The following PBLD variants were observed in gnomAD, a reference collection of about 807,000 sequenced individuals.
PBLD encodes the protein phenazine biosynthesis-like domain-containing protein.
PBLD carries 26 observed loss-of-function variants against 31.3 expected under a neutral mutation model. The observed-to-expected ratio is 0.83, with a 90% CI of 0.61 to 1.15. The LOEUF is 1.15. PBLD is among the 50% of genes most tolerant of loss of function. The pLI is 0.00. For synonymous variants in PBLD, 114 were observed against 129.0 expected, an observed-to-expected ratio of 0.88 and a Z score of 0.79; for missense variants, 307 against 351.7, an observed-to-expected ratio of 0.87 and a Z score of 1.02.
At chr10:68,302,382 T>G (rs2044516141) in intron 2 of PBLD, among the ~76,000 whole-genome samples, 1 of 152,170 alleles carries the variant, frequency 6.6e-6, no homozygotes, top group South Asian at 2.1e-4. Context: ...TTTAAAATAC[T>G]CCCATCTTGT....
intron 2 of PBLD, among the ~76,000 whole-genome samples, chr10:68,305,637 C>A (rs926934393): frequency 6.6e-6 from 1 of 152,074 alleles, no homozygotes; most frequent in African/African-American, 2.4e-5. Context: ...CACCTGTAAT[C>A]TCAGCTACTT....
At chr10:68,288,150 T>C in intron 8 of PBLD, 1 of 275,206 alleles carries the variant, frequency 3.6e-6, no homozygotes, top group Non-Finnish European at 6.8e-6. Context: ...GCATTGTGCT[T>C]TTATAGCCCT....
At chr10:68,323,788 G>A (rs1202013027) in intron 1 of PBLD, among the ~76,000 whole-genome samples, 1 of 152,136 alleles carries the variant, frequency 6.6e-6, no homozygotes, top group Non-Finnish European at 1.5e-5. Context: ...CCATTTGTTT[G>A]ATAGTTATAT....
chr10:68,311,395 A>G (rs916466372), intron 1 of PBLD, among the ~76,000 whole-genome samples: 1 of 151,994 alleles, frequency 6.6e-6, no homozygotes, highest in African/African-American at 2.4e-5. Context: ...GACCATCCTG[A>G]CTAACACAGT....
At chr10:68,286,085 CTTT>C (rs71009034) in intron 8 of PBLD, among the ~76,000 whole-genome samples, 3 of 103,422 alleles carry the variant, frequency 2.9e-5, no homozygotes, top group African/African-American at 3.6e-5. Context: ...TTGAATAATT[CTTT>C]TTTTTTTTTT....
chr10:68,291,056 G>T (rs957696975), intron 6 of PBLD, among the ~76,000 whole-genome samples: 9 of 152,182 alleles, frequency 5.9e-5, no homozygotes, highest in Non-Finnish European at 1.2e-4. Flanking sequence ...AAATGCTGTA[G>T]TTAAAAATTC....
intron 2 of PBLD, chr10:68,297,191 T>TCATTGAGGTTTC: frequency 1.7e-6 from 1 of 574,008 alleles, no homozygotes; most frequent in East Asian, 3.0e-5. Context: ...AGAAGGGTTA[T>TCATTGAGGTTTC]AAATGTGCAA....
chr10:68,284,076 G>A lies in PBLD; in HGVS notation c.*101C>T. 1 of 1,122,076 alleles carries A rather than the reference G, an allele frequency of 8.9e-7. No individual in the cohort carries two copies. Among genetic ancestry groups the A allele is most frequent in the Middle Eastern group, 2.1e-4 (1 of 4,772 alleles). The allele number at this position is 1,122,076 out of a possible 1,614,324, so 69.5% of individuals were successfully genotyped here. On this transcript the variant is annotated 3_prime_UTR_variant, in exon 10 of 10. Transcript: ENST00000358769. ...TTTCGATTTTTAACATGAGGATTAA[G>A]TAGACTACTACGCACATTTGCTAAA...
chr10:68,296,461 G>C (rs1483492396), intron 3 of PBLD, 97 bp from the exon 4 acceptor site: 10 of 837,022 alleles, frequency 1.2e-5, no homozygotes, highest in East Asian at 5.3e-5. Flanking sequence ...TCTCTAGCAT[G>C]ATGAGTAGCC....
rs2134424646 is a variant in PBLD at position 68,288,523 on chromosome 10, A to G, written c.651T>C (p.Tyr217=). 6.2e-7 allele frequency: 1 copy of G among 1,614,128 alleles called. No homozygotes were observed. The highest frequency in any genetic ancestry group is 2.2e-5 in the East Asian group (1 of 44,890). ...CAGCCACACCAACCCACGGTGCAAA[A>G]TATCTTGAGTAAAAGTCAAATGCTT... ...QTQAFDFYSR[Y]FAPWVGVAED... Residue 217 remains tyrosine, a synonymous_variant, in exon 8 of 10, where the codon TAT becomes TAC. Transcript: ENST00000358769.
At chr10:68,331,510 G>C (rs1365628796) in intron 1 of PBLD, 5 of 152,324 alleles carry the variant, frequency 3.3e-5, no homozygotes. Context: ...GAAGGAGGCG[G>C]ACACCCAGCC....
At chr10:68,286,133 G>C (rs1485503313) in intron 8 of PBLD, among the ~76,000 whole-genome samples, 1 of 125,942 alleles carries the variant, frequency 7.9e-6, no homozygotes, top group Non-Finnish European at 1.6e-5. Context: ...TGTCGCCCAG[G>C]CTGGAGTGCA....
intron 1 of PBLD, among the ~76,000 whole-genome samples, chr10:68,325,176 G>A (rs562580799): frequency 8.6e-5 from 13 of 151,518 alleles, no homozygotes; most frequent in African/African-American, 2.7e-4. Context: ...CCCGGGAGGC[G>A]GAAGTTGCAG....
chr10:68,326,556 C>T (rs10762224), intron 1 of PBLD, among the ~76,000 whole-genome samples: 38,255 of 152,072 alleles, frequency 0.25, 5,312 homozygotes, highest in East Asian at 0.35. Context: ...CCCAATGTAG[C>T]TCTTAGGATA....
chr10:68,319,492 G>A (rs2044799816), intron 1 of PBLD, among the ~76,000 whole-genome samples: 1 of 152,148 alleles, frequency 6.6e-6, no homozygotes, highest in Admixed American at 6.5e-5. Context: ...AGATCAGCCT[G>A]GCCAACATGG....
At chr10:68,306,107 A>G (rs953747411) in intron 2 of PBLD, among the ~76,000 whole-genome samples, 1 of 151,592 alleles carries the variant, frequency 6.6e-6, no homozygotes, top group Non-Finnish European at 1.5e-5. Context: ...AATATTAACT[A>G]TTAACAATAT....
rs1384842975 is a variant in PBLD at position 68,306,864 on chromosome 10, T to A, written c.-20A>T. 4 of 1,594,900 alleles carry A rather than the reference T, an allele frequency of 2.5e-6. No individual in the cohort carries two copies. Among genetic ancestry groups the A allele is most frequent in the Non-Finnish European group, 3.4e-6 (4 of 1,165,772 alleles). On this transcript the variant is annotated 5_prime_UTR_variant, in exon 2 of 10. Transcript: ENST00000358769. Reference sequence around the variant, plus strand: ...CTTCATTTTCCTTGCAAGCTGTTTTTGCAAGTTCTCAAAATTGCTGGTAGC... The same window carrying A: ...CTTCATTTTCCTTGCAAGCTGTTTTAGCAAGTTCTCAAAATTGCTGGTAGC...
At chr10:68,313,511 G>A (rs772485033) in intron 1 of PBLD, among the ~76,000 whole-genome samples, 3 of 152,200 alleles carry the variant, frequency 2.0e-5, no homozygotes, top group Admixed American at 2.0e-4. Flanking sequence ...TCCAAACACC[G>A]CCTTTGTTAA....
At chr10:68,329,522 G>A (rs1046731314) in intron 1 of PBLD, among the ~76,000 whole-genome samples, 13 of 152,212 alleles carry the variant, frequency 8.5e-5, no homozygotes, top group African/African-American at 3.1e-4. Flanking sequence ...AAGGATAGAA[G>A]TAGCCATGTA....
Sources: allele counts gnomAD v4.1 joint callset (sites outside exome capture counted in the v4.1 genomes callset), GRCh38; gene constraint gnomAD v4.1.1; transcripts MANE v1.5; gene names NCBI Gene and HGNC (gene_info 2026-07-23, HGNC 2026-07-21).